The following CBFA2T2 variants were observed in gnomAD, a reference collection of about 807,000 sequenced individuals.
CBFA2T2 encodes protein CBFA2T2.
In CBFA2T2, 11 loss-of-function variants were observed where a neutral mutation model predicts 62.2. The ratio of observed to expected loss-of-function variants is 0.18; its 90% CI spans 0.11 to 0.29. The LOEUF (loss-of-function observed/expected upper bound fraction) is 0.29. Among genes scored for constraint, CBFA2T2 ranks in the 10% least tolerant of loss-of-function variants. The pLI is 1.00. For synonymous variants in CBFA2T2, 295 were observed against 287.5 expected, an observed-to-expected ratio of 1.03 and a Z score of -0.27; for missense variants, 592 against 774.1, an observed-to-expected ratio of 0.76 and a Z score of 2.79.
intron 2 of CBFA2T2, among the ~76,000 whole-genome samples, chr20:33,608,604 C>G (rs993919478): frequency 7.2e-5 from 11 of 152,098 alleles, no homozygotes; most frequent in Non-Finnish European, 2.9e-5. Context: ...TTGAACAGCC[C>G]TAGACATATA....
At chr20:33,605,243 A>T (rs1277932493) in intron 1 of CBFA2T2, among the ~76,000 whole-genome samples, 2 of 152,158 alleles carry the variant, frequency 1.3e-5, no homozygotes, top group Non-Finnish European at 2.9e-5. Context: ...TCTTGTATGT[A>T]TTGTCTTTAT....
intron 1 of CBFA2T2, among the ~76,000 whole-genome samples, chr20:33,558,158 CTG>C (rs1568818224): frequency 6.7e-6 from 1 of 148,392 alleles, no homozygotes; most frequent in Non-Finnish European, 1.5e-5. Flanking sequence ...TTTTGAGACT[CTG>C]TCTCACTCTC....
chr20:33,564,266 T>C, intron 1 of CBFA2T2, among the ~76,000 whole-genome samples: 1 of 119,144 alleles, frequency 8.4e-6, no homozygotes, highest in Non-Finnish European at 1.6e-5. Flanking sequence ...TTTTTCTTTC[T>C]TTTTTTTTTT....
In CBFA2T2 at chr20:33,567,424, G is replaced by A. The variant is rs143656419; in HGVS notation, c.35-39532G>A. ...GTAGTCTCCCCTTAGTCGAAGTTTC[G>A]CTTTCCAGGGTTTCAGTTACCTGTG... On this transcript the variant is annotated intron_variant, in intron 1 of 10. Transcript: ENST00000342704. Among the ~76,000 whole-genome samples, 742 of 152,238 alleles carry A rather than the reference G, an allele frequency of 4.9e-3. 8 individuals carry two copies. Among genetic ancestry groups the A allele is most frequent in the African/African-American group, 0.016 (682 of 41,540 alleles).
chr20:33,494,232 CAT>C (rs1232062575), intron 1 of CBFA2T2, among the ~76,000 whole-genome samples: 1 of 60,036 alleles, frequency 1.7e-5, no homozygotes, highest in African/African-American at 5.9e-5. Context: ...ATGTATTAGG[CAT>C]ATATATGTGT....
Position 33,583,930 on chromosome 20 carries a change from ATTTG to A in CBFA2T2, c.35-23006_35-23003del, listed in dbSNP as rs1396153200. Reference sequence around the variant, plus strand: ...AGTGATTTTATTTATTTATTTATTTATTTGTTTGTTTGTTTGTTTGTTTATTTAT... The same window carrying A: ...AGTGATTTTATTTATTTATTTATTTATTTGTTTGTTTGTTTGTTTATTTAT... On this transcript the variant is annotated intron_variant, in intron 1 of 10. Coordinates refer to ENST00000342704, the MANE Select transcript of CBFA2T2 (RefSeq NM_001032999.3). Among the ~76,000 whole-genome samples, 323 of 149,186 alleles carry A rather than the reference ATTTG, an allele frequency of 2.2e-3. 3 individuals are homozygous for A. Among genetic ancestry groups the A allele is most frequent in the South Asian group, 5.1e-3 (24 of 4,732 alleles).
At chr20:33,499,272 T>G (rs1214588619) in intron 1 of CBFA2T2, among the ~76,000 whole-genome samples, 1 of 152,186 alleles carries the variant, frequency 6.6e-6, no homozygotes, top group East Asian at 1.9e-4. Context: ...ACCTGCCAAT[T>G]TTGTTCTCAT....
At chr20:33,575,910 TG>T (rs1246093400) in intron 1 of CBFA2T2, among the ~76,000 whole-genome samples, 2 of 151,666 alleles carry the variant, frequency 1.3e-5, no homozygotes, top group East Asian at 3.9e-4. Context: ...CCCGAGTAGC[TG>T]GGACTACAGG....
At chr20:33,606,096 G>A (rs962230207) in intron 1 of CBFA2T2, among the ~76,000 whole-genome samples, 3 of 152,182 alleles carry the variant, frequency 2.0e-5, no homozygotes, top group Non-Finnish European at 4.4e-5. Context: ...TAGGTTTACA[G>A]GCATGAGCCA....
At chr20:33,503,995 C>G (rs149392851) in intron 1 of CBFA2T2, among the ~76,000 whole-genome samples, 210 of 152,162 alleles carry the variant, frequency 1.4e-3, no homozygotes, top group African/African-American at 4.8e-3. Context: ...TTCTCACACC[C>G]CTTTCTTTTC....
chr20:33,548,974 GTCCATCCA>G (rs145778204), intron 1 of CBFA2T2, among the ~76,000 whole-genome samples: 12,445 of 151,502 alleles, frequency 0.082, 1,303 homozygotes, highest in African/African-American at 0.23. Flanking sequence ...CTGTCCATCC[GTCCATCCA>G]TCCATCCATC....
At chr20:33,545,023 A>AACAGAACAG in intron 1 of CBFA2T2, among the ~76,000 whole-genome samples, 3 of 151,036 alleles carry the variant, frequency 2.0e-5, no homozygotes, top group Admixed American at 6.6e-5. Flanking sequence ...AACAGAACAG[A>AACAGAACAG]ATGCAAGGTA....
chr20:33,587,701 G>A (rs781445572), intron 1 of CBFA2T2, among the ~76,000 whole-genome samples: 3 of 152,142 alleles, frequency 2.0e-5, no homozygotes, highest in Non-Finnish European at 2.9e-5. Flanking sequence ...GTCCAGCCCC[G>A]TACCCAGTTT....
At chr20:33,537,435 C>A (rs2012294571) in intron 1 of CBFA2T2, among the ~76,000 whole-genome samples, 1 of 152,170 alleles carries the variant, frequency 6.6e-6, no homozygotes, top group Non-Finnish European at 1.5e-5. Flanking sequence ...GAGATGGCAG[C>A]AGTACAGTCC....
intron 8 of CBFA2T2, among the ~76,000 whole-genome samples, chr20:33,632,800 G>A (rs924072989): frequency 1.1e-4 from 16 of 149,402 alleles, no homozygotes; most frequent in African/African-American, 4.0e-4. Flanking sequence ...ACGGAGTCTT[G>A]TCTGTCACCC....
chr20:33,633,370 CAA>C (rs200773570), intron 8 of CBFA2T2, among the ~76,000 whole-genome samples: 29 of 116,352 alleles, frequency 2.5e-4, no homozygotes, highest in African/African-American at 1.1e-3. Flanking sequence ...GACTCTGTCG[CAA>C]AAAAAAAATA....
At chr20:33,499,527 T>A (rs1250623900) in intron 1 of CBFA2T2, among the ~76,000 whole-genome samples, 1 of 152,244 alleles carries the variant, frequency 6.6e-6, no homozygotes, top group Non-Finnish European at 1.5e-5. Context: ...GTTAAGTAGC[T>A]TTTTGCCTCT....
Position 33,609,980 on chromosome 20 carries a change from G to A in CBFA2T2, c.179-1114G>A, listed in dbSNP as rs73259819. ...TAGATAATTTAGATTTTTACTTGAT[G>A]CCAACAAGAACGTAGCTCAGTGCCA... On this transcript the variant is annotated intron_variant, in intron 2 of 10. Coordinates refer to ENST00000342704, the MANE Select transcript of CBFA2T2 (RefSeq NM_001032999.3). Among the ~76,000 whole-genome samples the A allele has an allele frequency of 5.8e-3, 887 of 152,256 alleles. 7 individuals carry two copies. Among genetic ancestry groups the A allele is most frequent in the African/African-American group, 0.02 (833 of 41,546 alleles).
intron 2 of CBFA2T2, among the ~76,000 whole-genome samples, chr20:33,609,469 T>C (rs1281586893): frequency 6.6e-6 from 1 of 151,956 alleles, no homozygotes; most frequent in Non-Finnish European, 1.5e-5. Context: ...ACCACTGCAC[T>C]CCAGCCTGGG....
Sources: allele counts gnomAD v4.1 joint callset (sites outside exome capture counted in the v4.1 genomes callset), GRCh38; gene constraint gnomAD v4.1.1; transcripts MANE v1.5; gene names NCBI Gene and HGNC (gene_info 2026-07-23, HGNC 2026-07-21).